The following ABCC5 variants were observed in gnomAD, a reference collection of about 807,000 sequenced individuals.
The protein encoded by ABCC5 is ATP-binding cassette sub-family C member 5.
Under a neutral mutation model 160.9 loss-of-function variants are expected in ABCC5, and 61 were observed. That is an observed-to-expected ratio of 0.38 (90% CI 0.31 to 0.47). The LOEUF is 0.47. ABCC5 is among the 20% of genes least tolerant of loss of function. ABCC5 has a pLI of 0.99. For synonymous variants in ABCC5, 666 were observed against 700.6 expected, an observed-to-expected ratio of 0.95 and a Z score of 0.78; for missense variants, 1,308 against 1,813.3, an observed-to-expected ratio of 0.72 and a Z score of 5.06.
chr3:183,989,322 G>A lies in ABCC5; in HGVS notation c.191C>T (p.Ser64Phe), dbSNP rs748165682. The change falls in exon 3 of 30, where the codon TCC (serine) becomes TTC (phenylalanine). Residue 64 changes from serine to phenylalanine, a missense_variant. Coordinates refer to ENST00000334444, the MANE Select transcript of ABCC5 (RefSeq NM_005688.4). ...ARAEGLSLDA[S>F]MHSQLRILDE... ...CAGGATTCTGAGCTGAGAATGCATG[G>A]AGGCATCAAGAGAGAGGCCCTCGGC... The A allele has an allele frequency of 3.7e-6, 6 of 1,614,006 alleles. No individual in the cohort carries two copies. The highest frequency in any genetic ancestry group is 2.7e-5 in the African/African-American group (2 of 74,898).
chr3:183,937,308 C>T (rs1015041219), intron 26 of ABCC5, among the ~76,000 whole-genome samples: 2 of 152,148 alleles, frequency 1.3e-5, no homozygotes, highest in African/African-American at 2.4e-5. Flanking sequence ...ACCCAGGAGG[C>T]GGAGGTTGCC....
At chr3:183,993,435 G>T (rs1274121437) in intron 2 of ABCC5, among the ~76,000 whole-genome samples, 1 of 137,568 alleles carries the variant, frequency 7.3e-6, no homozygotes, top group Non-Finnish European at 1.5e-5. Context: ...AATGAGTTAA[G>T]ATTGTGCCAC....
At chr3:183,958,587 G>C (rs1055826828) in intron 17 of ABCC5, among the ~76,000 whole-genome samples, 1 of 151,256 alleles carries the variant, frequency 6.6e-6, no homozygotes, top group Non-Finnish European at 1.5e-5. Context: ...TTTAAAAAAA[G>C]AAATAAAAGA....
chr3:183,980,141 C>T (rs1718582882), intron 8 of ABCC5, among the ~76,000 whole-genome samples: 1 of 152,196 alleles, frequency 6.6e-6, no homozygotes, highest in South Asian at 2.1e-4. Context: ...TCCCAAAGTG[C>T]TGGGATTACA....
At chr3:183,957,861 A>G (rs1194340299) in intron 17 of ABCC5, among the ~76,000 whole-genome samples, 21 of 137,830 alleles carry the variant, frequency 1.5e-4, no homozygotes, top group Admixed American at 1.5e-3. Context: ...TGTATATCAC[A>G]TCTGTTACAT....
Position 183,951,660 on chromosome 3 carries a change from A to C in ABCC5, c.2815-90T>G. 3 of 1,546,616 alleles carry C rather than the reference A, an allele frequency of 1.9e-6. No homozygotes were observed. Among genetic ancestry groups the C allele is most frequent in the East Asian group, 2.3e-5 (1 of 44,234 alleles). On this transcript the variant is annotated intron_variant, in intron 19 of 29. Transcript: ENST00000334444. The surrounding 1 kb of genome is among the most constrained non-coding windows in gnomAD (Gnocchi z 4.7). ...CCGCTCCGCAGCACATCCACTCCCA[A>C]AGCGGGGAGGTGTGAGGGGTCAGGA...
intron 24 of ABCC5, among the ~76,000 whole-genome samples, chr3:183,945,547 C>T (rs941590813): frequency 2.0e-5 from 3 of 152,172 alleles, no homozygotes; most frequent in Non-Finnish European, 4.4e-5. Context: ...TAAAACAATA[C>T]ATGGTTTTAA....
At chr3:183,927,167 A>G (rs1712664974) in intron 28 of ABCC5, among the ~76,000 whole-genome samples, 163 bp downstream of exon 28, 1 of 152,234 alleles carries the variant, frequency 6.6e-6, no homozygotes, top group South Asian at 2.1e-4. Flanking sequence ...CCCCAGAACC[A>G]ATATACCCAA....
chr3:183,999,058 G>A (rs917191450), intron 2 of ABCC5, among the ~76,000 whole-genome samples: 7 of 149,638 alleles, frequency 4.7e-5, no homozygotes, highest in South Asian at 2.1e-4. Context: ...CCACTGAACC[G>A]CAGCCTGTGT....
At chr3:183,924,010 C>CTTTTTTTTTTTT (rs200040197) in intron 29 of ABCC5, among the ~76,000 whole-genome samples, 5 of 112,800 alleles carry the variant, frequency 4.4e-5, no homozygotes, top group East Asian at 2.5e-4. Context: ...TTACTGTTTG[C>CTTTTTTTTTTTT]TTTTTTTTTT....
chr3:184,002,912 G>A (rs927925897), intron 2 of ABCC5, among the ~76,000 whole-genome samples: 1 of 152,290 alleles, frequency 6.6e-6, no homozygotes, highest in East Asian at 1.9e-4. Flanking sequence ...TTTCCAAGGG[G>A]GTTAAAGGCT....
intron 15 of ABCC5, among the ~76,000 whole-genome samples, chr3:183,962,191 C>T (rs1453422606): frequency 6.6e-6 from 1 of 152,164 alleles, no homozygotes; most frequent in African/African-American, 2.4e-5. Context: ...ATGCTCAGAA[C>T]CCTTACATTA....
chr3:183,954,392 G>T (rs1008125139), intron 17 of ABCC5, among the ~76,000 whole-genome samples: 12 of 152,220 alleles, frequency 7.9e-5, no homozygotes, highest in Admixed American at 2.6e-4. Flanking sequence ...CAGGTGATCT[G>T]CCTGCCTCAG....
chr3:183,994,279 C>T lies in ABCC5; in HGVS notation c.130-4896G>A, dbSNP rs1720054549. Among the ~76,000 whole-genome samples, 4 of 152,148 alleles carry T rather than the reference C, an allele frequency of 2.6e-5. No individual in the cohort carries two copies. The South Asian group carries it at 8.3e-4, about 31-fold the overall frequency. On this transcript the variant is annotated intron_variant, in intron 2 of 29. Transcript: ENST00000334444. ...TATTTATGATTCAAATATTAGTTGT[C>T]ATTGAAATTACTTGACCACAGTACC...
chr3:183,987,378 G>C lies in ABCC5; in HGVS notation c.591+392C>G. The C allele has an allele frequency of 2.3e-6, 1 of 429,752 alleles. No individual in the cohort carries two copies. Among genetic ancestry groups the C allele is most frequent in the Non-Finnish European group, 4.2e-6 (1 of 240,752 alleles). The allele number at this position is 429,752 out of a possible 1,614,324, so 26.6% of individuals were successfully genotyped here. ...GCCAAACATGTGATAACTGCCTCCA[G>C]GCACTTGGTATGTTCCCGGTGCTGG... On this transcript the variant is annotated intron_variant, in intron 5 of 29. Transcript: ENST00000334444. The surrounding 1 kb of genome is among the most constrained non-coding windows in gnomAD (Gnocchi z 4.2).
At position 183,945,841 on chromosome 3, in the gene ABCC5, CA is replaced by C; in HGVS notation, c.3504+8del. The C allele has an allele frequency of 2.5e-6, 4 of 1,612,318 alleles. No individual in the cohort carries two copies. The highest frequency in any genetic ancestry group is 2.5e-6 in the Non-Finnish European group (3 of 1,178,390). On this transcript the variant is annotated splice_region_variant and intron_variant, in intron 24 of 29. Coordinates refer to ENST00000334444, the MANE Select transcript of ABCC5 (RefSeq NM_005688.4). ...TCAGATCACGGTAAAAGGCCTACAG[CA>C]GTCTGACCTTAATGTAGTGATTGAT...
rs775296386 is a variant in ABCC5, at chr3:183,982,865, C to T, written c.734G>A (p.Arg245Gln). Residue 245 changes from arginine (R) to glutamine (Q), a missense_variant, in exon 6 of 30, where the codon CGA (arginine) becomes CAA (glutamine). By Grantham distance (43) the Arg-to-Gln change is conservative (BLOSUM62 1). Around this residue, in one of 3 missense-constraint regions of ABCC5, gnomAD observed 1,142 missense variants for 1,527.1 expected, o/e 0.75. Transcript: ENST00000334444. The surrounding 1 kb of genome is among the most constrained non-coding windows in gnomAD (Gnocchi z 5.2). ...GGCCCCCCGCAAGCGGACACCGGTT[C>T]GGTAATTCAATGCCCAAGTCAGTGC... ...SLALTWALNY[R>Q]TGVRLRGAIL... The T allele has an allele frequency of 9.3e-6, 15 of 1,614,212 alleles. No homozygotes were observed. The highest frequency in any genetic ancestry group is 2.2e-5 in the South Asian group (2 of 91,084).
In ABCC5 at chr3:183,921,280, A is replaced by G. The variant is rs1451085735; in HGVS notation, c.*20T>C. The G allele has an allele frequency of 4.2e-6, 6 of 1,414,434 alleles. No homozygotes were observed. Among genetic ancestry groups the G allele is most frequent in the Non-Finnish European group, 6.0e-6 (6 of 1,008,050 alleles). 87.6% of individuals were successfully genotyped at this position (1,414,434 alleles called of 1,614,324 possible). A position where few individuals can be genotyped will look rare whatever the true frequency, so the allele number is the denominator to read the frequency against. On this transcript the variant is annotated 3_prime_UTR_variant, in exon 30 of 30. Transcript: ENST00000334444. This position sits in a 1 kb window ranked among gnomAD's most constrained non-coding sequence, Gnocchi z 4.1. ...AATGGCAATGCTCTAAAGAAAAGAG[A>G]CTTCGTCAACAGGGAGGAGTCAGCC... is the stretch of plus-strand genomic sequence containing the variant.
intron 25 of ABCC5, among the ~76,000 whole-genome samples, chr3:183,940,441 C>G (rs1462757714): frequency 2.5e-5 from 3 of 122,078 alleles, no homozygotes; most frequent in African/African-American, 3.3e-5. Context: ...GCCTGGGCAA[C>G]AGACTGAGAC....
Sources: gnomAD v4.1 joint callset for allele counts (sites outside exome capture counted in the v4.1 genomes callset) on GRCh38, gnomAD v4.1.1 for gene constraint, gnomAD v4.1.1 regional missense constraint, Gnocchi (gnomAD v3.1) non-coding constraint, MANE v1.5 for transcripts, NCBI Gene and HGNC (gene_info 2026-07-23, HGNC 2026-07-21) for gene names.